The following TUBB8B variants were observed in gnomAD, a reference collection of about 807,000 sequenced individuals.
TUBB8B encodes HSA18p11 beta-tubulin 4Q pseudogene.
In TUBB8B, 26 loss-of-function variants were observed where a neutral mutation model predicts 31.9. That is an observed-to-expected ratio of 0.81 (90% CI 0.60 to 1.13). The LOEUF (loss-of-function observed/expected upper bound fraction) is 1.13, where lower values mean the gene tolerates loss of function less well. TUBB8B is among the 50% of genes most tolerant of loss of function. The probability of loss-of-function intolerance (pLI) is 0.00; values close to 1 mark genes in which losing one functional copy is unlikely to be tolerated. For synonymous variants in TUBB8B, 173 were observed against 231.0 expected (o/e 0.75, Z 2.28); for missense variants, 467 against 586.7 (o/e 0.80, Z 2.11).
the TUBB8B span, among the ~76,000 whole-genome samples, chr18:71,568 TTA>T: frequency 1.3e-5 from 1 of 78,466 alleles, no homozygotes; most frequent in Non-Finnish European, 2.5e-5. Context: ...AAAAAAAAAT[TTA>T]AAAAAAAAAA....
the TUBB8B span, among the ~76,000 whole-genome samples, chr18:61,007 T>C: frequency 1.3e-5 from 2 of 151,846 alleles, no homozygotes; most frequent in Middle Eastern, 3.4e-3. Flanking sequence ...GATGTTTCTT[T>C]GTTGATTTTC....
chr18:51,834 T>A (rs555367292), upstream of TUBB8B, among the ~76,000 whole-genome samples: 67 of 152,060 alleles, frequency 4.4e-4, 2 homozygotes, highest in Non-Finnish European at 7.8e-4. Flanking sequence ...TCTCCGACCA[T>A]GTGCAACTGT....
chr18:72,507 C>T, the TUBB8B span, among the ~76,000 whole-genome samples: 10 of 152,116 alleles, frequency 6.6e-5, no homozygotes, highest in African/African-American at 1.9e-4. Context: ...TTCCATTAGA[C>T]GCACACAATG....
At chr18:52,955 A>G (rs1260143654), upstream of TUBB8B, among the ~76,000 whole-genome samples, 1 of 151,836 alleles carries the variant, frequency 6.6e-6, no homozygotes, top group Admixed American at 6.6e-5. Flanking sequence ...TTTAACAATG[A>G]CAATTAACCC....
the TUBB8B span, among the ~76,000 whole-genome samples, chr18:69,987 G>T: frequency 0.17 from 21,389 of 123,324 alleles, no homozygotes; most frequent in African/African-American, 0.31. Context: ...CGAAACCCAG[G>T]CTCTACTAAA....
Position 49,574 on chromosome 18 carries a change from G to C in TUBB8B, c.-17C>G, listed in dbSNP as rs1600577988. The C allele has an allele frequency of 1.2e-6, 1 of 811,168 alleles. No homozygotes were observed. The highest frequency in any genetic ancestry group is 2.0e-6 in the Non-Finnish European group (1 of 490,506). The allele number at this position is 811,168 out of a possible 1,614,324, so 50.2% of individuals were successfully genotyped here. On this transcript the variant is annotated 5_prime_UTR_variant, in exon 1 of 4. Coordinates refer to ENST00000308911, the MANE Select transcript of TUBB8B (RefSeq NM_001358689.2). ...TTCCCTCATGGCCAAGGCAGGATTA[G>C]GGCGGCAGCAGAAGCGCGAGAAGGA...
the TUBB8B span, among the ~76,000 whole-genome samples, chr18:63,646 C>T: frequency 6.7e-6 from 1 of 149,616 alleles, no homozygotes; most frequent in African/African-American, 2.5e-5. Flanking sequence ...TAACCCCAAA[C>T]CCTAACCCTA....
At chr18:67,633 T>G in the TUBB8B span, among the ~76,000 whole-genome samples, 1 of 152,144 alleles carries the variant, frequency 6.6e-6, no homozygotes, top group African/African-American at 2.4e-5. Context: ...ATTTTAGGTG[T>G]CAACTTTACT....
chr18:53,502 C>G (rs1180309011), upstream of TUBB8B, among the ~76,000 whole-genome samples: 2 of 151,828 alleles, frequency 1.3e-5, no homozygotes, highest in Non-Finnish European at 2.9e-5. Context: ...CAGAGTCTTG[C>G]TCTATTGCCC....
chr18:49,271 G>A (rs1421714676), intron 1 of TUBB8B, 34 bp from the exon 2 acceptor site: 20 of 1,517,522 alleles, frequency 1.3e-5, no homozygotes, highest in Non-Finnish European at 1.7e-5. Context: ...ACAGGCCGGG[G>A]CTGAGTCACG....
the TUBB8B span, among the ~76,000 whole-genome samples, chr18:72,965 C>T: frequency 6.6e-5 from 10 of 152,090 alleles, no homozygotes; most frequent in Admixed American, 2.0e-4. Context: ...AAGTCCGTCT[C>T]GAAAGAAACA....
intron 1 of TUBB8B, 114 bp from the exon 2 acceptor site, chr18:49,351 A>G (rs914941859): frequency 4.2e-5 from 27 of 643,628 alleles, no homozygotes; most frequent in Non-Finnish European, 5.9e-5. Context: ...CCTGGGGTCC[A>G]CCCCAGCCGC....
the TUBB8B span, among the ~76,000 whole-genome samples, chr18:59,077 G>A: frequency 2.6e-5 from 4 of 151,768 alleles, no homozygotes; most frequent in Non-Finnish European, 4.4e-5. Context: ...AGCCATTTAT[G>A]AGTAATCCAC....
upstream of TUBB8B, among the ~76,000 whole-genome samples, chr18:53,180 TAG>T (rs1568386046): frequency 6.6e-6 from 1 of 151,832 alleles, no homozygotes; most frequent in Non-Finnish European, 1.5e-5. Context: ...CATATTAAGA[TAG>T]AGAATTCTAG....
upstream of TUBB8B, among the ~76,000 whole-genome samples, chr18:51,759 T>G (rs1906116647): frequency 6.6e-6 from 1 of 151,958 alleles, no homozygotes; most frequent in African/African-American, 2.4e-5. Flanking sequence ...CAAGCTCTTT[T>G]GCCTGCTGCC....
chr18:49,243 A>G lies in TUBB8B; in HGVS notation c.58-6T>C, dbSNP rs62075715. 5 of 1,532,298 alleles carry G rather than the reference A, an allele frequency of 3.3e-6. No homozygotes were observed. Among genetic ancestry groups the G allele is most frequent in the Admixed American group, 3.9e-5 (2 of 50,878 alleles). The allele number at this position is 1,532,298 out of a possible 1,614,324, so 94.9% of individuals were successfully genotyped here. On this transcript the variant is annotated splice_region_variant and splice_polypyrimidine_tract_variant and intron_variant, in intron 1 of 3. Coordinates refer to ENST00000308911, the MANE Select transcript of TUBB8B (RefSeq NM_001358689.2). ...TCAGAGATCACCTCCCAGAACTGCAAGAGACGGGAGGGGCCAGACAGGCCG... is the reference window on the plus strand; with the variant it reads ...TCAGAGATCACCTCCCAGAACTGCAGGAGACGGGAGGGGCCAGACAGGCCG...
chr18:62,953 G>T, the TUBB8B span, among the ~76,000 whole-genome samples: 2 of 151,432 alleles, frequency 1.3e-5, no homozygotes, highest in East Asian at 1.9e-4. Flanking sequence ...ATGATAATTG[G>T]ATTTTAACTT....
chr18:63,551 G>A, the TUBB8B span, among the ~76,000 whole-genome samples: 4 of 151,434 alleles, frequency 2.6e-5, no homozygotes, highest in East Asian at 1.9e-4. Flanking sequence ...AGTAGGCATA[G>A]AACTTGGTCT....
the TUBB8B span, among the ~76,000 whole-genome samples, chr18:59,839 T>A: frequency 6.6e-6 from 1 of 151,870 alleles, no homozygotes; most frequent in Admixed American, 6.6e-5. Context: ...CCACTGCACC[T>A]GGCCCCTTCA....
Sources: gnomAD v4.1 joint callset for allele counts (sites outside exome capture counted in the v4.1 genomes callset) on GRCh38, gnomAD v4.1.1 for gene constraint, MANE v1.5 for transcripts, NCBI Gene and HGNC (gene_info 2026-07-23, HGNC 2026-07-21) for gene names.